The following PP2D1 variants were observed in gnomAD, a reference collection of about 807,000 sequenced individuals.
PP2D1 encodes the protein protein phosphatase 2C like domain containing 1.
Under a neutral mutation model 30.2 loss-of-function variants are expected in PP2D1, and 25 were observed. The observed-to-expected ratio is 0.83, with a 90% confidence interval of 0.60 to 1.16. The LOEUF is 1.16. Ranked by LOEUF, PP2D1 falls within the 50% of genes most tolerant of loss-of-function variation. The pLI is 0.00. For missense variants in PP2D1, 760 were observed against 742.4 expected, an observed-to-expected ratio of 1.02 and a Z score of -0.28; for synonymous variants, 260 against 258.9, an observed-to-expected ratio of 1.00 and a Z score of -0.04.
intron 1 of PP2D1, 76 bp from the exon 2 acceptor site, chr3:20,002,172 C>T (rs1697265169): frequency 2.2e-6 from 2 of 919,188 alleles, no homozygotes; most frequent in Non-Finnish European, 3.2e-6. Context: ...GTTATCATTG[C>T]AATTTGATTT....
Position 19,986,052 on chromosome 3 carries a change from G to C in PP2D1, c.1221C>G (p.Tyr407Ter). The change falls in exon 3 of 3, where the codon TAC (tyrosine) becomes TAG (stop). Residue 407 changes from tyrosine (Y) to a stop codon, truncating the protein, a stop_gained. Coordinates refer to ENST00000389050, the MANE Select transcript of PP2D1 (RefSeq NM_001252657.2). LOFTEE classifies it low-confidence loss of function (END_TRUNC). ...TTTTTACTTGCCCCTCTACAAGCCC[G>C]TATGGTTCATTTGAACTAATGACTG... ...NGAVISSNEP[Y>*]GLVEGQVKTT... is the part of the protein sequence containing the mutation. 1 of 1,536,014 alleles carries C rather than the reference G, an allele frequency of 6.5e-7. No homozygotes were observed. Among genetic ancestry groups the C allele is most frequent in the Non-Finnish European group, 8.7e-7 (1 of 1,146,836 alleles).
At chr3:19,988,090 C>T (rs1413942666) in intron 2 of PP2D1, among the ~76,000 whole-genome samples, 2 of 152,062 alleles carry the variant, frequency 1.3e-5, no homozygotes, top group Non-Finnish European at 2.9e-5. Context: ...GTTCATAAAC[C>T]ATGTGTGTTT....
At chr3:19,992,498 A>G (rs1437736276) in intron 2 of PP2D1, among the ~76,000 whole-genome samples, 1 of 152,214 alleles carries the variant, frequency 6.6e-6, no homozygotes, top group Non-Finnish European at 1.5e-5. Flanking sequence ...TTTTAAAAGC[A>G]ACTTATTAAA....
intron 1 of PP2D1, 120 bp downstream of exon 1, chr3:20,011,930 A>G: frequency 1.4e-6 from 1 of 700,756 alleles, no homozygotes; most frequent in Non-Finnish European, 2.4e-6. Flanking sequence ...TTCAATGTAC[A>G]CAGTTTAACA....
chr3:19,981,615 A>T (rs911715568), downstream of PP2D1, among the ~76,000 whole-genome samples: 4 of 93,856 alleles, frequency 4.3e-5, no homozygotes, highest in Admixed American at 2.8e-4. Flanking sequence ...CTCCGCCTCA[A>T]AAAAAAAAAA....
chr3:19,983,974 G>A, downstream of PP2D1: 1 of 610,136 alleles, frequency 1.6e-6, no homozygotes. Context: ...TAAGTGTTTT[G>A]AACTTAATTT....
In PP2D1 at chr3:19,985,906, C is replaced by G. The variant is rs1320717616; in HGVS notation, c.1367G>C (p.Gly456Ala). The part of the protein sequence containing the change: ...LCQFLIVATN[G>A]LWEVLDKEEV... ...CTCTTTATCCAAAACTTCCCAAAGT[C>G]CATTAGTAGCTACAATAAGGAATTG... The change falls in exon 3 of 3, where the codon GGA becomes GCA. Residue 456 changes from glycine (G) to alanine (A), a missense_variant. By Grantham distance (60) the Gly-to-Ala change is moderately conservative (BLOSUM62 0). Coordinates refer to ENST00000389050, the MANE Select transcript of PP2D1 (RefSeq NM_001252657.2). 1 of 1,536,390 alleles carries G rather than the reference C, an allele frequency of 6.5e-7. No homozygotes were observed. Among genetic ancestry groups the G allele is most frequent in the South Asian group, 1.2e-5 (1 of 84,064 alleles).
chr3:19,985,959 A>G lies in PP2D1; in HGVS notation c.1314T>C (p.Thr438=). 6.5e-7 allele frequency: 1 copy of G among 1,536,248 alleles called. No individual in the cohort carries two copies. Among genetic ancestry groups the G allele is most frequent in the Non-Finnish European group, 8.7e-7 (1 of 1,146,904 alleles). Residue 438 remains threonine (T), a synonymous_variant, in exon 3 of 3, where the codon ACT becomes ACC. Coordinates refer to ENST00000389050, the MANE Select transcript of PP2D1 (RefSeq NM_001252657.2). The part of the protein sequence containing the change: ...LKKSIIPAPQ[T]ISVPIDDLCQ... Reference sequence around the variant, plus strand: ...ATAGGTCATCTATAGGGACAGAAATAGTTTGAGGTGCTGGGATAATGGATT... The same window carrying G: ...ATAGGTCATCTATAGGGACAGAAATGGTTTGAGGTGCTGGGATAATGGATT...
rs547099249 is a variant in PP2D1, at chr3:20,012,128, A to G, written c.-56T>C. 1.0e-4 allele frequency: 147 copies of G among 1,427,848 alleles called. 1 individual carries two copies. The highest frequency in any genetic ancestry group is 3.1e-5 in the Non-Finnish European group (33 of 1,054,048). The allele number at this position is 1,427,848 out of a possible 1,614,324, so 88.4% of individuals were successfully genotyped here. On this transcript the variant is annotated 5_prime_UTR_variant, in exon 1 of 3. Transcript: ENST00000389050. ...CCTTTATCCCCTTCCCCTGGCCTCT[A>G]TTTCTCCAACTTGAGTAGTGATGGT...
At chr3:19,985,190 C>CT (rs1453063132), downstream of PP2D1, 1 of 524,444 alleles carries the variant, frequency 1.9e-6, no homozygotes, top group African/African-American at 2.0e-5. Context: ...CGGCTTTTCT[C>CT]TTTTCCTTTT....
In PP2D1 at chr3:20,012,197, G is replaced by GTGGTGA; in HGVS notation, c.-131_-126dup. 1 of 750,536 alleles carries GTGGTGA rather than the reference G, an allele frequency of 1.3e-6. No individual in the cohort carries two copies. Among genetic ancestry groups the GTGGTGA allele is most frequent in the Non-Finnish European group, 2.2e-6 (1 of 458,212 alleles). The allele number at this position is 750,536 out of a possible 1,614,324, so 46.5% of individuals were successfully genotyped here. A position where few individuals can be genotyped will look rare whatever the true frequency, so the allele number is the denominator to read the frequency against. On this transcript the variant is annotated 5_prime_UTR_variant, in exon 1 of 3. Coordinates refer to ENST00000389050, the MANE Select transcript of PP2D1 (RefSeq NM_001252657.2). ...GAATGTGATGGCTGTGGCAGAAGTA[G>GTGGTGA]TGGTGATGGTGATGATAGCGATGGT...
chr3:20,000,082 G>A (rs1367449901), intron 2 of PP2D1, among the ~76,000 whole-genome samples: 4 of 152,128 alleles, frequency 2.6e-5, no homozygotes, highest in Admixed American at 2.0e-4. Flanking sequence ...AGTCCCACTC[G>A]CGGAGGCCCA....
At chr3:20,000,327 C>T (rs888436635) in intron 2 of PP2D1, among the ~76,000 whole-genome samples, 2 of 152,174 alleles carry the variant, frequency 1.3e-5, no homozygotes, top group Non-Finnish European at 2.9e-5. Context: ...TAAGTGGACA[C>T]TATCATTAAT....
chr3:19,993,519 T>C (rs930180834), intron 2 of PP2D1, among the ~76,000 whole-genome samples: 11 of 152,082 alleles, frequency 7.2e-5, no homozygotes, highest in African/African-American at 2.7e-4. Context: ...GTGGATCACT[T>C]AAGGTCAGGA....
At chr3:19,996,727 T>TAA (rs1553641009) in intron 2 of PP2D1, 1 of 150,960 alleles carries the variant, frequency 6.6e-6, no homozygotes, top group East Asian at 1.9e-4. Flanking sequence ...TTTTTTTTTT[T>TAA]AAAAAAAGCA....
intron 1 of PP2D1, among the ~76,000 whole-genome samples, chr3:20,006,745 G>A (rs1697322199): frequency 6.6e-6 from 1 of 151,822 alleles, no homozygotes; most frequent in Non-Finnish European, 1.5e-5. Flanking sequence ...AGGATTACAG[G>A]TGTGAGCTAC....
chr3:20,007,783 AAAAG>A (rs761875316), intron 1 of PP2D1: 2,085 of 150,152 alleles, frequency 0.014, 35 homozygotes, highest in African/African-American at 0.048. Context: ...AAAAAAAAAA[AAAAG>A]AGAGAGAGAG....
chr3:20,002,051 A>T lies in PP2D1; in HGVS notation c.69T>A (p.Phe23Leu). ...SREWNMKTSTFDSDEDILLLP... is the reference protein window; with the variant it reads ...SREWNMKTSTLDSDEDILLLP... ...AAAGTAGAATATCCTCATCTGAATC[A>T]AATGTTGATGTTTTCATATTCCATT... Residue 23 changes from phenylalanine to leucine, a missense_variant, in exon 2 of 3, where the codon TTT becomes TTA. Phe to Leu is a conservative substitution (Grantham distance 22, BLOSUM62 0). Around this residue, in one of 3 missense-constraint regions of PP2D1, gnomAD observed 374 missense variants for 388.8 expected, o/e 0.96. Coordinates refer to ENST00000389050, the MANE Select transcript of PP2D1 (RefSeq NM_001252657.2). 1 of 1,534,584 alleles carries T rather than the reference A, an allele frequency of 6.5e-7. No individual in the cohort carries two copies. The highest frequency in any genetic ancestry group is 1.4e-5 in the African/African-American group (1 of 73,050).
intron 2 of PP2D1, among the ~76,000 whole-genome samples, chr3:19,988,421 C>T (rs1262657117): frequency 6.6e-6 from 1 of 152,140 alleles, no homozygotes; most frequent in African/African-American, 2.4e-5. Context: ...TGAGGAAATT[C>T]CCGCCTAGTA....
Sources: allele counts gnomAD v4.1 joint callset (sites outside exome capture counted in the v4.1 genomes callset), GRCh38; gene constraint gnomAD v4.1.1; regional missense constraint gnomAD v4.1.1; transcripts MANE v1.5; gene names NCBI Gene and HGNC (gene_info 2026-07-23, HGNC 2026-07-21).